ANKRD28: variants seen among roughly 807,000 people sequenced by gnomAD.
ANKRD28 encodes the protein serine/threonine-protein phosphatase 6 regulatory ankyrin repeat subunit A.
Under a neutral mutation model 126.5 loss-of-function variants are expected in ANKRD28, and 44 were observed. That is an observed-to-expected ratio of 0.35 (90% CI 0.27 to 0.45). The LOEUF is 0.45. Among genes scored for constraint, ANKRD28 ranks in the 20% least tolerant of loss-of-function variants. The pLI is 1.00. For missense variants in ANKRD28, 1,110 were observed against 1,316.6 expected, an observed-to-expected ratio of 0.84 and a Z score of 2.43; for synonymous variants, 442 against 468.5, an observed-to-expected ratio of 0.94 and a Z score of 0.73.
chr3:15,724,101 C>T (rs1246268413), intron 7 of ANKRD28, among the ~76,000 whole-genome samples: 1 of 152,092 alleles, frequency 6.6e-6, no homozygotes, highest in Admixed American at 6.6e-5. Flanking sequence ...TGCTGATTCC[C>T]ATAAATGAAA....
chr3:15,694,653 G>T, intron 17 of ANKRD28, 86 bp downstream of exon 17: 3 of 1,143,050 alleles, frequency 2.6e-6, no homozygotes, highest in African/African-American at 1.5e-5. Flanking sequence ...AAAGTTTATG[G>T]TACTAGTTTG....
intron 2 of ANKRD28, among the ~76,000 whole-genome samples, chr3:15,773,729 GACTC>G (rs1354745202): frequency 7.2e-5 from 11 of 152,180 alleles, no homozygotes; most frequent in Non-Finnish European, 1.6e-4. Context: ...TGAATTGGAA[GACTC>G]ACTATTGCTA....
chr3:15,744,740 T>A (rs754543743), intron 4 of ANKRD28, among the ~76,000 whole-genome samples: 4 of 152,212 alleles, frequency 2.6e-5, no homozygotes, highest in Non-Finnish European at 5.9e-5. Flanking sequence ...TATAATGACC[T>A]CTTTTTCTCT....
rs562403102 is a variant in ANKRD28 at position 15,812,305 on chromosome 3, T to C, written c.28-16999A>G. Among the ~76,000 whole-genome samples the C allele has an allele frequency of 4.5e-5, 4 of 89,120 alleles. No individual in the cohort carries two copies. The highest frequency in any genetic ancestry group is 1.4e-4 in the Admixed American group (1 of 7,236). The allele number at this position is 89,120 out of a possible 152,430, so 58.5% of individuals were successfully genotyped here. On this transcript the variant is annotated intron_variant, in intron 1 of 27. Transcript: ENST00000399451. This position sits in a 1 kb window ranked among gnomAD's most constrained non-coding sequence, Gnocchi z 4.1. ...GAGATGGGAAACTATACCATTATCT[T>C]AATTTCATTTGTTTTTTAAATGAAT...
At chr3:15,701,186 C>T (rs552326070) in intron 14 of ANKRD28, among the ~76,000 whole-genome samples, 69 of 152,310 alleles carry the variant, frequency 4.5e-4, no homozygotes, top group Admixed American at 2.6e-3. Context: ...AATGCTAACA[C>T]TTATTTCTTT....
At chr3:15,769,207 G>A (rs892376812) in intron 2 of ANKRD28, among the ~76,000 whole-genome samples, 24 of 152,190 alleles carry the variant, frequency 1.6e-4, no homozygotes, top group Middle Eastern at 3.4e-3. Flanking sequence ...AATGCCTCTC[G>A]AATCCCATTA....
At chr3:15,729,221 C>G (rs571686594) in intron 6 of ANKRD28, among the ~76,000 whole-genome samples, 1 of 152,214 alleles carries the variant, frequency 6.6e-6, no homozygotes, top group Non-Finnish European at 1.5e-5. Flanking sequence ...TAACTTGTCA[C>G]TTTTTGTCAG....
rs550234832 is a variant in ANKRD28, at chr3:15,833,565, G to GTA, written c.27+25810_27+25811dup. Among the ~76,000 whole-genome samples the GTA allele has an allele frequency of 1.8e-4, 27 of 149,462 alleles. No homozygotes were observed. The highest frequency in any genetic ancestry group is 2.9e-4 in the African/African-American group (12 of 40,858). ...TTTTTTATATATATAATGTGTGTGT[G>GTA]TATATATATATCTCCTATTAGTTCT... On this transcript the variant is annotated intron_variant, in intron 1 of 27. Transcript: ENST00000399451. The surrounding 1 kb of genome is among the most constrained non-coding windows in gnomAD (Gnocchi z 4.4).
chr3:15,696,181 C>T lies in ANKRD28; in HGVS notation c.1612G>A (p.Ala538Thr), dbSNP rs755807048. 1.3e-6 allele frequency: 2 copies of T among 1,594,996 alleles called. No individual in the cohort carries two copies. Residue 538 changes from alanine to threonine, a missense_variant, in exon 15 of 28, where the codon GCA (alanine) becomes ACA (threonine). Physicochemically the swap from Ala to Thr is moderately conservative, Grantham distance 58. Transcript: ENST00000683139. ...CCATAAGCAGCTGAATAATGAACTG[C>T]GTTGTATCCTTGCTTATCACGGATC... ...PGIRDKQGYN[A>T]VHYSAAYGHR...
At position 15,808,392 on chromosome 3, in the gene ANKRD28, C is replaced by A. The variant is rs192917621; in HGVS notation, c.28-13086G>T. ...GGTAAGTTGGAGAAAGGCCTTATCC[C>A]CTGGCTTTCTACCTCAGAGAGGAAA... On this transcript the variant is annotated intron_variant, in intron 1 of 27. Transcript: ENST00000399451. 5.9e-5 allele frequency among the ~76,000 whole-genome samples: 9 copies of A among 152,276 alleles called. No individual in the cohort carries two copies. In the East Asian group the frequency reaches 1.7e-3, roughly 29 times the overall value.
At chr3:15,672,284 T>A (rs528122716) in intron 27 of ANKRD28, among the ~76,000 whole-genome samples, 11 of 152,116 alleles carry the variant, frequency 7.2e-5, no homozygotes, top group African/African-American at 2.7e-4. Flanking sequence ...GCTCTGACTA[T>A]AGGCACATGC....
intron 1 of ANKRD28, among the ~76,000 whole-genome samples, chr3:15,850,550 C>A (rs900930507): frequency 6.6e-6 from 1 of 151,984 alleles, no homozygotes; most frequent in Non-Finnish European, 1.5e-5. Context: ...CTGTATGACT[C>A]CAACCTTTGC....
intron 4 of ANKRD28, among the ~76,000 whole-genome samples, chr3:15,741,109 G>C (rs2075429288): frequency 6.6e-6 from 1 of 152,108 alleles, no homozygotes; most frequent in Admixed American, 6.5e-5. Context: ...TGAGGCAGGA[G>C]AATGGCATGA....
chr3:15,809,286 C>T (rs1369262128), intron 1 of ANKRD28, among the ~76,000 whole-genome samples: 6 of 152,208 alleles, frequency 3.9e-5, no homozygotes, highest in Non-Finnish European at 8.8e-5. Context: ...GCTATCATAA[C>T]TACCTCCTAA....
Position 15,797,012 on chromosome 3 carries a change from T to G in ANKRD28, c.-491A>C, listed in dbSNP as rs1338537172. On this transcript the variant is annotated 5_prime_UTR_variant, in exon 1 of 28. Transcript: ENST00000683139. ...AAGGTCATATAGTTACCAGTAGCTG[T>G]TTTGCTTATAATTGAAAATAAAAAA... 1.0e-6 allele frequency: 1 copy of G among 985,126 alleles called. No homozygotes were observed. Among genetic ancestry groups the G allele is most frequent in the African/African-American group, 1.7e-5 (1 of 57,206 alleles). The allele number at this position is 985,126 out of a possible 1,614,324, so 61.0% of individuals were successfully genotyped here. A position where few individuals can be genotyped will look rare whatever the true frequency, so the allele number is the denominator to read the frequency against.
chr3:15,814,490 CT>C lies in ANKRD28; in HGVS notation c.28-19185del, dbSNP rs1362022551. On this transcript the variant is annotated intron_variant, in intron 1 of 27. Coordinates refer to the ANKRD28 transcript ENST00000399451. The surrounding 1 kb of genome is among the most constrained non-coding windows in gnomAD (Gnocchi z 4.7). ...TATCCTTCTATCAAGAAAAAAAATA[CT>C]AATCTGGGCAACAAAACATTTTTTA... Among the ~76,000 whole-genome samples the C allele has an allele frequency of 3.3e-5, 5 of 152,146 alleles. No homozygotes were observed. The highest frequency in any genetic ancestry group is 1.2e-4 in the African/African-American group (5 of 41,524).
intron 2 of ANKRD28, among the ~76,000 whole-genome samples, chr3:15,783,842 CA>C (rs1214778354): frequency 6.6e-6 from 1 of 151,814 alleles, no homozygotes; most frequent in East Asian, 1.9e-4. Flanking sequence ...AGAACACTAA[CA>C]GGAAAAATAT....
chr3:15,696,675 A>T (rs369236038), intron 14 of ANKRD28, among the ~76,000 whole-genome samples: 149 of 152,258 alleles, frequency 9.8e-4, no homozygotes, highest in African/African-American at 3.5e-3. Context: ...TCAAGAAAGG[A>T]TGTTAAACAA....
In ANKRD28 at chr3:15,669,109, A is replaced by G. The variant is rs1392422678; in HGVS notation, c.*1161T>C. 1 of 152,272 alleles carries G rather than the reference A, an allele frequency of 6.6e-6. No individual in the cohort carries two copies. The highest frequency in any genetic ancestry group is 1.5e-5 in the Non-Finnish European group (1 of 68,040). 9.4% of individuals were successfully genotyped at this position (152,272 alleles called of 1,614,324 possible). A position where few individuals can be genotyped will look rare whatever the true frequency, so the allele number is the denominator to read the frequency against. ...ACAGGTTACAAACATGCTACTTTAA[A>G]TATGAATAGGACCTAAGGCTTTAGT... On this transcript the variant is annotated 3_prime_UTR_variant, in exon 28 of 28. Coordinates refer to ENST00000683139, the MANE Select transcript of ANKRD28 (RefSeq NM_001349278.2).
Sources: gnomAD v4.1 joint callset for allele counts (sites outside exome capture counted in the v4.1 genomes callset) on GRCh38, gnomAD v4.1.1 for gene constraint, Gnocchi (gnomAD v3.1) non-coding constraint, MANE v1.5 for transcripts, NCBI Gene and HGNC (gene_info 2026-07-23, HGNC 2026-07-21) for gene names.